The following ZDHHC11 variants were observed in gnomAD, a reference collection of about 807,000 sequenced individuals.
ZDHHC11 encodes zDHHC palmitoyltransferase 11, also known as palmitoyltransferase ZDHHC11.
Under a neutral mutation model 51.3 loss-of-function variants are expected in ZDHHC11, and 44 were observed. That is an observed-to-expected ratio of 0.86 (90% CI 0.67 to 1.10). The LOEUF is 1.10. Ranked by LOEUF, ZDHHC11 falls within the 50% of genes least tolerant of loss-of-function variation. The pLI, the probability that ZDHHC11 is intolerant of heterozygous loss-of-function variation, is 0.00. For synonymous variants in ZDHHC11, 163 were observed against 222.0 expected (o/e 0.73, Z 2.36); for missense variants, 400 against 537.7 (o/e 0.74, Z 2.53).
intron 7 of ZDHHC11, among the ~76,000 whole-genome samples, chr5:831,510 G>C (rs1743077971): frequency 6.7e-6 from 1 of 148,444 alleles, no homozygotes; most frequent in Non-Finnish European, 1.5e-5. Flanking sequence ...TTCAACCCAG[G>C]AGGCAGAGGC....
rs1267073258 is a variant in ZDHHC11 at position 816,677 on chromosome 5, G to A, written c.1147-1882C>T. The A allele has an allele frequency of 4.2e-5, 26 of 613,432 alleles. 2 individuals carry two copies. The highest frequency in any genetic ancestry group is 2.9e-4 in the Middle Eastern group (1 of 3,392). 38.0% of individuals were successfully genotyped at this position (613,432 alleles called of 1,614,324 possible). On this transcript the variant is annotated intron_variant, in intron 10 of 12. Coordinates refer to ENST00000283441, the MANE Select transcript of ZDHHC11 (RefSeq NM_024786.3). Reference sequence around the variant, plus strand: ...GCATCCCTTTCCAGAGTCCAAGCCCGTTTTGGCTTTGTGATGATGGGAATT... The same window carrying A: ...GCATCCCTTTCCAGAGTCCAAGCCCATTTTGGCTTTGTGATGATGGGAATT...
intron 7 of ZDHHC11, among the ~76,000 whole-genome samples, chr5:833,330 G>C (rs1391684860): frequency 6.6e-6 from 1 of 150,404 alleles, no homozygotes; most frequent in African/African-American, 2.4e-5. Flanking sequence ...CCTGTTGGGT[G>C]GGGCTCCGGG....
chr5:819,217 T>A (rs1266616038), intron 10 of ZDHHC11, among the ~76,000 whole-genome samples: 1 of 151,624 alleles, frequency 6.6e-6, no homozygotes, highest in South Asian at 2.1e-4. Context: ...CCTCACTGCA[T>A]GTTCTGGGCA....
intron 7 of ZDHHC11, among the ~76,000 whole-genome samples, chr5:829,384 A>G (rs1742771130): frequency 6.6e-6 from 1 of 152,004 alleles, no homozygotes; most frequent in African/African-American, 2.4e-5. Context: ...TTATGCACAC[A>G]AACTAGAAAA....
chr5:836,313 G>A (rs1319326080), intron 6 of ZDHHC11, among the ~76,000 whole-genome samples: 2 of 150,474 alleles, frequency 1.3e-5, no homozygotes, highest in African/African-American at 2.4e-5. Context: ...GTGCTGAGCT[G>A]TAGTAATTGA....
At chr5:811,986 AG>A (rs1171387198) in intron 11 of ZDHHC11, among the ~76,000 whole-genome samples, 2 of 139,578 alleles carry the variant, frequency 1.4e-5, no homozygotes, top group African/African-American at 2.8e-5. Context: ...GCACTAGAAA[AG>A]GGGGCCTTTG....
intron 11 of ZDHHC11, among the ~76,000 whole-genome samples, chr5:809,551 C>A (rs1399116069): frequency 6.7e-6 from 1 of 149,402 alleles, no homozygotes; most frequent in African/African-American, 2.5e-5. Flanking sequence ...TCATCAGACA[C>A]CGGATCTGCC....
upstream of ZDHHC11, among the ~76,000 whole-genome samples, chr5:855,827 C>T (rs1416713782): frequency 7.1e-6 from 1 of 141,224 alleles, no homozygotes; most frequent in South Asian, 2.3e-4. Flanking sequence ...GGACAGTGAG[C>T]CGGGGGGCAC....
chr5:841,059 CCTCA>C (rs67600726), intron 4 of ZDHHC11: 118,071 of 859,738 alleles, frequency 0.14, 786 homozygotes, highest in Non-Finnish European at 0.14. Flanking sequence ...CCCACCCCTT[CCTCA>C]CTAAGTGCCG....
chr5:803,299 T>A (rs650646), intron 11 of ZDHHC11, among the ~76,000 whole-genome samples: 2 of 151,422 alleles, frequency 1.3e-5, no homozygotes, highest in Non-Finnish European at 3.0e-5. Flanking sequence ...TCCAGCAGCA[T>A]CCCTTGGAAG....
chr5:854,058 G>A (rs978337220), upstream of ZDHHC11, among the ~76,000 whole-genome samples: 4 of 150,388 alleles, frequency 2.7e-5, no homozygotes, highest in South Asian at 4.2e-4. Flanking sequence ...GTGAGCAGCC[G>A]GGACAGACCC....
chr5:817,459 A>G (rs147546856), intron 10 of ZDHHC11, among the ~76,000 whole-genome samples: 1 of 151,642 alleles, frequency 6.6e-6, no homozygotes, highest in East Asian at 1.9e-4. Context: ...GGGTATGTAT[A>G]TATCTCACTT....
At chr5:857,718 C>G (rs1560875944) in intron 1 of ZDHHC11, among the ~76,000 whole-genome samples, 1 of 151,520 alleles carries the variant, frequency 6.6e-6, no homozygotes, top group Non-Finnish European at 1.5e-5. Flanking sequence ...ACCATGGTCC[C>G]CTGAGTCTGT....
In ZDHHC11 at chr5:850,555, T is replaced by C; in HGVS notation, c.48A>G (p.Ile16Met). 1 of 1,613,492 alleles carries C rather than the reference T, an allele frequency of 6.2e-7. No homozygotes were observed. The highest frequency in any genetic ancestry group is 1.7e-4 in the Middle Eastern group (1 of 6,060). Residue 16 changes from isoleucine (I) to methionine (M), a missense_variant, in exon 1 of 13, where the codon ATA becomes ATG. By Grantham distance (10) the Ile-to-Met change is conservative. Transcript: ENST00000283441. ...GSQCSVTPEA[I>M]LNNEKLVLPP... ...GCAAGACCAGCTTTTCATTATTGAG[T>C]ATGGCTTCTGGGGTGACGGAACACT... is the stretch of plus-strand genomic sequence containing the variant.
At chr5:842,636 T>G (rs1163619912) in intron 4 of ZDHHC11, 6 of 985,578 alleles carry the variant, frequency 6.1e-6, no homozygotes, top group African/African-American at 1.7e-5. Flanking sequence ...CCGAGGGGCT[T>G]CTCTGGCCCA....
intron 3 of ZDHHC11, among the ~76,000 whole-genome samples, chr5:846,665 G>GT (rs1746228129): frequency 2.2e-5 from 3 of 136,700 alleles, no homozygotes; most frequent in Admixed American, 7.3e-5. Flanking sequence ...AATACCTCTC[G>GT]CCTGTGAGCC....
At chr5:852,927 C>A (rs1418494321), upstream of ZDHHC11, among the ~76,000 whole-genome samples, 1 of 138,466 alleles carries the variant, frequency 7.2e-6, no homozygotes, top group Non-Finnish European at 1.5e-5. Flanking sequence ...CGGAGGACAG[C>A]GAGCCGAGGG....
At chr5:840,231 C>T (rs756291384) in intron 5 of ZDHHC11, 23 of 714,148 alleles carry the variant, frequency 3.2e-5, no homozygotes, top group Non-Finnish European at 4.8e-5. Context: ...GGCACCACTC[C>T]TGCAGGTCTC....
chr5:840,079 T>A (rs1286187785), intron 5 of ZDHHC11: 1 of 607,180 alleles, frequency 1.6e-6, no homozygotes, highest in Non-Finnish European at 2.9e-6. Flanking sequence ...GTGGGTGACC[T>A]GCCTGTAATA....
Sources: allele counts gnomAD v4.1 joint callset (sites outside exome capture counted in the v4.1 genomes callset), GRCh38; gene constraint gnomAD v4.1.1; transcripts MANE v1.5; gene names NCBI Gene and HGNC (gene_info 2026-07-23, HGNC 2026-07-21).